The following FMNL3 variants were observed in gnomAD, a reference collection of about 807,000 sequenced individuals.
FMNL3 encodes the protein formin-like protein 3.
FMNL3 carries 57 observed loss-of-function variants against 119.6 expected under a neutral mutation model. That is an observed-to-expected ratio of 0.48 (90% CI 0.39 to 0.59). FMNL3 has a LOEUF of 0.59. Ranked by LOEUF, FMNL3 falls within the 20% of genes least tolerant of loss-of-function variation. FMNL3 has a pLI of 0.00. For synonymous variants in FMNL3, 491 were observed against 507.3 expected (o/e 0.97, Z 0.43); for missense variants, 1,053 against 1,323.5 (o/e 0.80, Z 3.17).
chr12:49,662,293 G>A (rs373343320), intron 4 of FMNL3, among the ~76,000 whole-genome samples: 11 of 152,318 alleles, frequency 7.2e-5, no homozygotes, highest in African/African-American at 2.6e-4. Context: ...AGGTGCTTCA[G>A]ACAAACAAGC....
In FMNL3 at chr12:49,693,164, T is replaced by C. The variant is rs540733600; in HGVS notation, c.126+13891A>G. On this transcript the variant is annotated intron_variant, in intron 1 of 25. Coordinates refer to ENST00000335154, the MANE Select transcript of FMNL3 (RefSeq NM_175736.5). ...GTTTTTAGGCCAGGGAATGATGCTA[T>C]TTAATTTATATTTTAAATTTGGGTG... 2.0e-3 allele frequency among the ~76,000 whole-genome samples: 305 copies of C among 152,312 alleles called. 2 individuals carry two copies. Among genetic ancestry groups the C allele is most frequent in the Non-Finnish European group, 3.9e-3 (262 of 68,022 alleles).
intron 13 of FMNL3, among the ~76,000 whole-genome samples, chr12:49,652,701 T>A (rs1386715534): frequency 1.3e-5 from 2 of 152,326 alleles, no homozygotes; most frequent in South Asian, 4.1e-4. Flanking sequence ...AGATACATAT[T>A]GAGCTCAACA....
At chr12:49,689,596 A>T (rs1208764639) in intron 1 of FMNL3, among the ~76,000 whole-genome samples, 2 of 152,216 alleles carry the variant, frequency 1.3e-5, no homozygotes, top group African/African-American at 4.8e-5. Flanking sequence ...GCACAACTGT[A>T]GTCCCAGCTA....
At chr12:49,666,948 G>C (rs1355901382) in intron 2 of FMNL3, among the ~76,000 whole-genome samples, 1 of 152,148 alleles carries the variant, frequency 6.6e-6, no homozygotes, top group African/African-American at 2.4e-5. Flanking sequence ...GACTGGAATG[G>C]TTTTGCTGAG....
intron 1 of FMNL3, among the ~76,000 whole-genome samples, chr12:49,693,299 G>A (rs12313145): frequency 1.1e-3 from 166 of 152,234 alleles, no homozygotes; most frequent in African/African-American, 3.5e-3. Flanking sequence ...AGACCAGGGC[G>A]GTGGCAGTAG....
rs373588661 is a variant in FMNL3, at chr12:49,642,256, C to G, written c.*3559G>C. 1 of 1,614,108 alleles carries G rather than the reference C, an allele frequency of 6.2e-7. No individual in the cohort carries two copies. The highest frequency in any genetic ancestry group is 1.1e-5 in the South Asian group (1 of 91,086). ...TCAGCTGCTGGAGAAAGCAGAGGCA[C>G]GGGAGAGGGAGCGGGAGAAGGAGGA... On this transcript the variant is annotated 3_prime_UTR_variant, in exon 26 of 26. Coordinates refer to ENST00000335154, the MANE Select transcript of FMNL3 (RefSeq NM_175736.5). This position sits in a 1 kb window ranked among gnomAD's most constrained non-coding sequence, Gnocchi z 5.8.
Position 49,656,408 on chromosome 12 carries a change from T to C in FMNL3, c.881A>G (p.Lys294Arg), listed in dbSNP as rs770867339. 6.2e-7 allele frequency: 1 copy of C among 1,613,664 alleles called. No homozygotes were observed. Among genetic ancestry groups the C allele is most frequent in the Admixed American group, 1.7e-5 (1 of 59,974 alleles). The part of the protein sequence containing the change: ...EIILAAFDNF[K>R]EVCKELHRFE... ...ACGCGAAGCGAAAAGACTGACCTCT[T>C]TGAAATTGTCAAAGGCAGCAAGGAT... The change falls in exon 9 of 26, where the codon AAA becomes AGA. Residue 294 changes from lysine to arginine, a missense_variant. This residue lies in a region of FMNL3 where 445 missense variants were observed against 628.4 expected (regional missense o/e 0.71). Coordinates refer to ENST00000335154, the MANE Select transcript of FMNL3 (RefSeq NM_175736.5).
At position 49,647,464 on chromosome 12, in the gene FMNL3, C is replaced by T. The variant is rs1269496160; in HGVS notation, c.2779-96G>A. The T allele has an allele frequency of 2.2e-5, 30 of 1,374,862 alleles. No homozygotes were observed. The South Asian group carries it at 2.2e-4, about 10-fold the overall frequency. The allele number at this position is 1,374,862 out of a possible 1,614,324, so 85.2% of individuals were successfully genotyped here. On this transcript the variant is annotated intron_variant, in intron 23 of 25. Coordinates refer to ENST00000335154, the MANE Select transcript of FMNL3 (RefSeq NM_175736.5). This position sits in a 1 kb window ranked among gnomAD's most constrained non-coding sequence, Gnocchi z 4.9. The stretch of plus-strand genomic sequence containing the variant: ...GTGGAGAGTGGGTGGCAGTGGGACC[C>T]GCTAACTCCAGGTGGCCACCCTCTG...
intron 1 of FMNL3, among the ~76,000 whole-genome samples, chr12:49,686,162 C>G (rs1944452458): frequency 6.6e-6 from 1 of 151,898 alleles, no homozygotes; most frequent in East Asian, 2.0e-4. Context: ...GGCTGGAGTG[C>G]AGTGGCATGA....
Position 49,649,449 on chromosome 12 carries a change from C to T in FMNL3, c.2304+21G>A. ...TAGGACCTGAAAACCCCCAGCACCC[C>T]TGTTCACAACCTCTTCCCACCTCCA... On this transcript the variant is annotated intron_variant, in intron 19 of 25. Transcript: ENST00000335154. This position sits in a 1 kb window ranked among gnomAD's most constrained non-coding sequence, Gnocchi z 5.6. 3.1e-6 allele frequency: 5 copies of T among 1,614,048 alleles called. No individual in the cohort carries two copies. The highest frequency in any genetic ancestry group is 4.2e-6 in the Non-Finnish European group (5 of 1,180,040).
intron 1 of FMNL3, among the ~76,000 whole-genome samples, chr12:49,678,023 C>T (rs536051511): frequency 2.2e-4 from 33 of 152,142 alleles, no homozygotes; most frequent in African/African-American, 7.2e-4. Context: ...CCACCATACC[C>T]GGCTAATTTT....
chr12:49,657,832 C>T (rs1244046372), intron 6 of FMNL3, among the ~76,000 whole-genome samples: 1 of 152,178 alleles, frequency 6.6e-6, no homozygotes, highest in Non-Finnish European at 1.5e-5. Flanking sequence ...AAGGAAAGGG[C>T]CATGGGACCC....
At chr12:49,706,587 G>C (rs1259336055) in intron 1 of FMNL3, among the ~76,000 whole-genome samples, 3 of 152,100 alleles carry the variant, frequency 2.0e-5, no homozygotes, top group Non-Finnish European at 4.4e-5. Context: ...GCTGGGAGTG[G>C]GACCCACTCC....
Position 49,637,594 on chromosome 12 carries a change from C to T in FMNL3, c.*8221G>A. The T allele has an allele frequency of 6.2e-7, 1 of 1,610,344 alleles. No individual in the cohort carries two copies. The highest frequency in any genetic ancestry group is 8.5e-7 in the Non-Finnish European group (1 of 1,177,502). ...ATGCTGGGCCAGCCGGGTAAGGCAG[C>T]CAGGCTCCCCCTTCTCTGGCCTGGC... On this transcript the variant is annotated 3_prime_UTR_variant, in exon 26 of 26. Transcript: ENST00000335154.
At position 49,707,207 on chromosome 12, in the gene FMNL3, G is replaced by A. The variant is rs534479753; in HGVS notation, c.-27C>T. On this transcript the variant is annotated 5_prime_UTR_variant, in exon 1 of 26. Transcript: ENST00000335154. ...GCGGCGGGGCCCCCTCAGGGGCCTCGGCCCCCCACCTCCACGCTCCGGAGC... is the reference window on the plus strand; with the variant it reads ...GCGGCGGGGCCCCCTCAGGGGCCTCAGCCCCCCACCTCCACGCTCCGGAGC... The A allele has an allele frequency of 1.0e-5, 15 of 1,488,720 alleles. No individual in the cohort carries two copies. In the East Asian group the frequency reaches 2.8e-4, roughly 28 times the overall value. The allele number at this position is 1,488,720 out of a possible 1,614,324, so 92.2% of individuals were successfully genotyped here.
intron 4 of FMNL3, among the ~76,000 whole-genome samples, chr12:49,662,555 C>T (rs1943765595): frequency 6.6e-6 from 1 of 152,186 alleles, no homozygotes; most frequent in Admixed American, 6.5e-5. Flanking sequence ...GCACTCTCTA[C>T]TAAGTTTAAG....
At position 49,648,105 on chromosome 12, in the gene FMNL3, A is replaced by T. The variant is rs373810244; in HGVS notation, c.2676+88T>A. The T allele has an allele frequency of 1.9e-3, 356 of 186,530 alleles. 1 individual carries two copies. The highest frequency in any genetic ancestry group is 6.3e-3 in the African/African-American group (229 of 36,444). The allele number at this position is 186,530 out of a possible 1,614,324, so 11.6% of individuals were successfully genotyped here. A position where few individuals can be genotyped will look rare whatever the true frequency, so the allele number is the denominator to read the frequency against. ...ATGTAGCCAGCCAGCTGCTTGATTT[A>T]AAAAAAAAAAAAAATAGAACTAGGG... On this transcript the variant is annotated intron_variant, in intron 22 of 25. Transcript: ENST00000335154.
rs367831439 is a variant in FMNL3, at chr12:49,637,620, T to C, written c.*8195A>G. On this transcript the variant is annotated 3_prime_UTR_variant, in exon 26 of 26. Coordinates refer to ENST00000335154, the MANE Select transcript of FMNL3 (RefSeq NM_175736.5). ...CAGGCTCCCCCTTCTCTGGCCTGGC[T>C]TCCTGCCCTGCCAGCCTCTCTGCAC... The C allele has an allele frequency of 2.8e-4, 447 of 1,592,428 alleles. No homozygotes were observed. The highest frequency in any genetic ancestry group is 3.5e-4 in the Non-Finnish European group (408 of 1,163,192).
At chr12:49,670,757 T>G (rs1166048260) in intron 1 of FMNL3, among the ~76,000 whole-genome samples, 1 of 152,192 alleles carries the variant, frequency 6.6e-6, no homozygotes, top group Admixed American at 6.5e-5. Flanking sequence ...GCCTGGAATG[T>G]TCTCTCTGAA....
Sources: allele counts gnomAD v4.1 joint callset (sites outside exome capture counted in the v4.1 genomes callset), GRCh38; gene constraint gnomAD v4.1.1; regional missense constraint gnomAD v4.1.1; non-coding constraint Gnocchi (gnomAD v3.1); transcripts MANE v1.5; gene names NCBI Gene and HGNC (gene_info 2026-07-23, HGNC 2026-07-21).